The following PCCB variants were observed in gnomAD, a reference collection of about 807,000 sequenced individuals.
PCCB encodes propionyl-CoA carboxylase beta chain, mitochondrial.
In PCCB, 43 loss-of-function variants were observed where a neutral mutation model predicts 60.7. That is an observed-to-expected ratio of 0.71 (90% CI 0.55 to 0.91). The LOEUF (loss-of-function observed/expected upper bound fraction) is 0.91, where lower values mean the gene tolerates loss of function less well. Ranked by LOEUF, PCCB falls within the 40% of genes least tolerant of loss-of-function variation. PCCB has a pLI of 0.00. For synonymous variants in PCCB, 276 were observed against 255.9 expected (o/e 1.08, Z -0.75); for missense variants, 766 against 702.8 (o/e 1.09, Z -1.02).
chr3:136,301,982 T>C (rs1378374317), intron 9 of PCCB, among the ~76,000 whole-genome samples: 2 of 152,066 alleles, frequency 1.3e-5, no homozygotes, highest in African/African-American at 2.4e-5. Context: ...ATGAAGATGG[T>C]AAAAAGATGT....
At chr3:136,270,728 A>T (rs1286291218) in intron 5 of PCCB, among the ~76,000 whole-genome samples, 1 of 152,052 alleles carries the variant, frequency 6.6e-6, no homozygotes, top group Non-Finnish European at 1.5e-5. Context: ...CTGGTCTCAA[A>T]CTCCTGGCCT....
chr3:136,276,883 ATTC>A (rs752353624), intron 5 of PCCB, among the ~76,000 whole-genome samples: 14 of 152,128 alleles, frequency 9.2e-5, no homozygotes, highest in Non-Finnish European at 1.6e-4. Context: ...TGCCATCTGA[ATTC>A]TTTTGTCCCA....
At chr3:136,291,396 T>G (rs1933682158) in intron 6 of PCCB, among the ~76,000 whole-genome samples, 1 of 152,236 alleles carries the variant, frequency 6.6e-6, no homozygotes, top group South Asian at 2.1e-4. Context: ...TAGTGTGTCT[T>G]ATGACTTATT....
chr3:136,319,007 T>A lies in PCCB; in HGVS notation c.1090+1943T>A, dbSNP rs570660468. Among the ~76,000 whole-genome samples the A allele has an allele frequency of 2.0e-5, 3 of 152,348 alleles. No individual in the cohort carries two copies. In the East Asian group the frequency reaches 5.8e-4, roughly 29 times the overall value. Reference sequence around the variant, plus strand: ...AAACACCATACTGTTTTCTACAGTGTCTGCACTATTTTACATTCCCACCAG... The same window carrying A: ...AAACACCATACTGTTTTCTACAGTGACTGCACTATTTTACATTCCCACCAG... On this transcript the variant is annotated intron_variant, in intron 10 of 14. Coordinates refer to ENST00000251654, the MANE Select transcript of PCCB (RefSeq NM_000532.5).
chr3:136,318,363 G>A (rs548505465), intron 10 of PCCB, among the ~76,000 whole-genome samples: 3 of 152,184 alleles, frequency 2.0e-5, no homozygotes, highest in Admixed American at 2.0e-4. Flanking sequence ...GCATGACAGA[G>A]TGACACTGTC....
intron 7 of PCCB, among the ~76,000 whole-genome samples, chr3:136,297,267 C>G (rs1385524585): frequency 6.6e-6 from 1 of 152,068 alleles, no homozygotes; most frequent in East Asian, 1.9e-4. Context: ...CACGATCTGA[C>G]TTAAAAAGCT....
intron 5 of PCCB, among the ~76,000 whole-genome samples, chr3:136,263,028 C>T (rs539281626): frequency 3.4e-5 from 5 of 148,180 alleles, no homozygotes; most frequent in East Asian, 4.0e-4. Flanking sequence ...GATCTCGGCT[C>T]ACTTCAACCT....
At chr3:136,326,269 T>A (rs1199936025) in intron 10 of PCCB, 9 of 693,538 alleles carry the variant, frequency 1.3e-5, no homozygotes, top group Non-Finnish European at 2.1e-5. Flanking sequence ...AGTTGGAAAC[T>A]CTTCTAGGAG....
chr3:136,295,716 C>T (rs1222117441), intron 7 of PCCB, among the ~76,000 whole-genome samples: 1 of 152,206 alleles, frequency 6.6e-6, no homozygotes, highest in African/African-American at 2.4e-5. Context: ...ATTCCATCAT[C>T]CACAGATAAT....
intron 5 of PCCB, among the ~76,000 whole-genome samples, chr3:136,267,274 A>G (rs753832709): frequency 6.6e-5 from 10 of 151,872 alleles, no homozygotes; most frequent in Non-Finnish European, 1.3e-4. Flanking sequence ...GCAGCCTTGA[A>G]CTCTGGGCTC....
At chr3:136,302,585 T>A (rs1184350613) in intron 9 of PCCB, among the ~76,000 whole-genome samples, 1 of 119,012 alleles carries the variant, frequency 8.4e-6, no homozygotes, top group Non-Finnish European at 1.9e-5. Context: ...TTATTATACT[T>A]TAAGTTTTAG....
chr3:136,299,884 G>GTATA (rs1216783489), intron 8 of PCCB, among the ~76,000 whole-genome samples: 2 of 151,856 alleles, frequency 1.3e-5, no homozygotes, highest in African/African-American at 4.8e-5. Context: ...GCATGTGTAT[G>GTATA]TACGTATATG....
chr3:136,316,990 A>G lies in PCCB; in HGVS notation c.1016A>G (p.Asn339Ser). Reference sequence around the variant, plus strand: ...GAGATCATGCCCAATTATGCCAAGAACATCATTGTTGGTTTTGCAAGAATG... The same window carrying G: ...GAGATCATGCCCAATTATGCCAAGAGCATCATTGTTGGTTTTGCAAGAATG... Reference protein sequence around the residue: ...FFEIMPNYAKNIIVGFARMNG... With the variant: ...FFEIMPNYAKSIIVGFARMNG... Residue 339 changes from asparagine to serine, a missense_variant, in exon 10 of 15, where the codon AAC (asparagine) becomes AGC (serine). Coordinates refer to ENST00000251654, the MANE Select transcript of PCCB (RefSeq NM_000532.5). 6.2e-7 allele frequency: 1 copy of G among 1,613,912 alleles called. No homozygotes were observed. The highest frequency in any genetic ancestry group is 8.5e-7 in the Non-Finnish European group (1 of 1,179,832).
chr3:136,315,565 T>C (rs955304637), intron 9 of PCCB, among the ~76,000 whole-genome samples: 1 of 152,182 alleles, frequency 6.6e-6, no homozygotes, highest in East Asian at 1.9e-4. Context: ...GCACAGTGGC[T>C]CATGCCTGTA....
chr3:136,279,497 A>G (rs1236247006), intron 5 of PCCB, among the ~76,000 whole-genome samples: 1 of 152,048 alleles, frequency 6.6e-6, no homozygotes. Context: ...AATATCTTGA[A>G]CTAGTTGGAA....
chr3:136,268,097 T>TATATATATACAC, intron 5 of PCCB, among the ~76,000 whole-genome samples: 1 of 84,532 alleles, frequency 1.2e-5, no homozygotes, highest in South Asian at 3.1e-4. Context: ...GATATATATA[T>TATATATATACAC]ATATATATAT....
At chr3:136,282,340 T>C (rs1382658155) in intron 5 of PCCB, among the ~76,000 whole-genome samples, 1 of 152,238 alleles carries the variant, frequency 6.6e-6, no homozygotes, top group Non-Finnish European at 1.5e-5. Flanking sequence ...TGAATAGTTG[T>C]TTTGATCTCA....
At chr3:136,291,839 A>T (rs947874051) in intron 6 of PCCB, among the ~76,000 whole-genome samples, 4 of 152,102 alleles carry the variant, frequency 2.6e-5, no homozygotes, top group African/African-American at 9.7e-5. Context: ...TCTGATTATC[A>T]CTGTGAGAAC....
chr3:136,276,145 T>C (rs1054207301), intron 5 of PCCB, among the ~76,000 whole-genome samples: 8 of 152,198 alleles, frequency 5.3e-5, no homozygotes, highest in Non-Finnish European at 5.9e-5. Context: ...AAAGGTCTCT[T>C]GAAGCTCATC....
Sources: allele counts gnomAD v4.1 joint callset (sites outside exome capture counted in the v4.1 genomes callset), GRCh38; gene constraint gnomAD v4.1.1; transcripts MANE v1.5; gene names NCBI Gene and HGNC (gene_info 2026-07-23, HGNC 2026-07-21).